Variants in CCNY observed in about 807,000 individuals in gnomAD.
CCNY encodes cyclin-Y.
Under a neutral mutation model 42.8 loss-of-function variants are expected in CCNY, and 19 were observed. The ratio of observed to expected loss-of-function variants is 0.44; its 90% CI spans 0.31 to 0.65. The LOEUF is 0.65. Ranked by LOEUF, CCNY falls within the 30% of genes least tolerant of loss-of-function variation. The pLI, the probability that CCNY is intolerant of heterozygous loss-of-function variation, is 0.07. For missense variants in CCNY, 370 were observed against 437.3 expected, an observed-to-expected ratio of 0.85 and a Z score of 1.37; for synonymous variants, 165 against 162.7, an observed-to-expected ratio of 1.01 and a Z score of -0.11.
intron 1 of CCNY, among the ~76,000 whole-genome samples, chr10:35,478,282 A>T (rs926392877): frequency 6.6e-6 from 1 of 151,252 alleles, no homozygotes; most frequent in African/African-American, 2.4e-5. Flanking sequence ...GAATTGGAAA[A>T]AACTACTTTA....
chr10:35,509,911 ACTGT>A (rs1314459320), intron 3 of CCNY, among the ~76,000 whole-genome samples: 1 of 152,088 alleles, frequency 6.6e-6, no homozygotes, highest in Non-Finnish European at 1.5e-5. Context: ...TTTCGTGGAG[ACTGT>A]CTGTGAGCTG....
intron 3 of CCNY, among the ~76,000 whole-genome samples, chr10:35,512,012 G>A (rs1321085290): frequency 6.6e-6 from 1 of 152,194 alleles, no homozygotes; most frequent in Non-Finnish European, 1.5e-5. Context: ...GGTGGTTACT[G>A]TAGTGATACA....
intron 1 of CCNY, among the ~76,000 whole-genome samples, chr10:35,366,779 C>T (rs1340287295): frequency 6.6e-6 from 1 of 152,186 alleles, no homozygotes; most frequent in Admixed American, 6.5e-5. Context: ...AGTCACTAGC[C>T]ACGTGTGGCA....
At position 35,278,584 on chromosome 10, in the gene CCNY, G is replaced by C. The variant is rs184786210; in HGVS notation, c.-9+27958G>C. ...GGCTGTCGAGAGGCATGTGTAGGCA[G>C]CTGAGGAAGACAGGACTGAGCAGAA... On this transcript the variant is annotated intron_variant, in intron 3 of 11. Coordinates refer to the CCNY transcript ENST00000374706. Among the ~76,000 whole-genome samples the C allele has an allele frequency of 5.3e-5, 8 of 152,326 alleles. No homozygotes were observed. The East Asian group carries it at 1.5e-3, about 29-fold the overall frequency.
intron 1 of CCNY, chr10:35,248,048 A>G (rs2095709470): frequency 6.6e-6 from 1 of 152,266 alleles, no homozygotes; most frequent in African/African-American, 2.4e-5. Context: ...CTGTTATTTC[A>G]CCATCACTTT....
At chr10:35,365,069 A>G (rs752717684) in intron 1 of CCNY, among the ~76,000 whole-genome samples, 4 of 152,210 alleles carry the variant, frequency 2.6e-5, no homozygotes, top group Non-Finnish European at 4.4e-5. Context: ...TTCCAAGTGC[A>G]AGTGAAAGAT....
intron 5 of CCNY, among the ~76,000 whole-genome samples, chr10:35,526,460 G>A (rs1840654428): frequency 6.6e-6 from 1 of 152,018 alleles, no homozygotes. Context: ...GCAATAGTTG[G>A]TTAATTTTAA....
At chr10:35,457,193 A>G (rs2135323148) in intron 1 of CCNY, among the ~76,000 whole-genome samples, 1 of 152,106 alleles carries the variant, frequency 6.6e-6, no homozygotes, top group African/African-American at 2.4e-5. Flanking sequence ...TCTCCTTTTC[A>G]TTCTGTTTGA....
chr10:35,531,379 G>A (rs772152074), intron 7 of CCNY, among the ~76,000 whole-genome samples: 3 of 152,186 alleles, frequency 2.0e-5, no homozygotes, highest in Non-Finnish European at 4.4e-5. Context: ...CTGTTGGCTT[G>A]TTGCTCATTC....
intron 1 of CCNY, among the ~76,000 whole-genome samples, chr10:35,430,729 T>C (rs11817434): frequency 0.29 from 44,043 of 152,094 alleles, 6,653 homozygotes; most frequent in Admixed American, 0.35. Flanking sequence ...TCTTTGCTCA[T>C]GTGTATCACT....
chr10:35,544,077 G>C (rs1173457904), intron 7 of CCNY, among the ~76,000 whole-genome samples: 15 of 152,204 alleles, frequency 9.9e-5, no homozygotes, highest in Admixed American at 9.8e-4. Context: ...TAAAGTTATA[G>C]TAAGCTAAGT....
intron 1 of CCNY, among the ~76,000 whole-genome samples, chr10:35,482,908 G>A (rs1398467804): frequency 6.6e-6 from 1 of 152,104 alleles, no homozygotes; most frequent in Non-Finnish European, 1.5e-5. Context: ...ACAAATGGCC[G>A]ATGTGTAGCT....
intron 1 of CCNY, among the ~76,000 whole-genome samples, chr10:35,354,880 AAGTC>A (rs1170764057): frequency 3.9e-5 from 6 of 152,158 alleles, no homozygotes; most frequent in South Asian, 4.2e-4. Flanking sequence ...CTATCTTTCT[AAGTC>A]AGTCTTATGT....
intron 3 of CCNY, among the ~76,000 whole-genome samples, chr10:35,327,519 C>A (rs184009879): frequency 6.6e-6 from 1 of 152,208 alleles, no homozygotes; most frequent in Non-Finnish European, 1.5e-5. Context: ...TTAAAAAAAT[C>A]AGTAATATTT....
intron 1 of CCNY, among the ~76,000 whole-genome samples, chr10:35,450,415 C>T (rs1838891709): frequency 6.6e-6 from 1 of 151,942 alleles, no homozygotes; most frequent in Admixed American, 6.6e-5. Context: ...ATGTGTGCTC[C>T]CTGGGATGGT....
chr10:35,510,962 T>C (rs1246504456), intron 3 of CCNY, among the ~76,000 whole-genome samples: 4 of 152,242 alleles, frequency 2.6e-5, no homozygotes, highest in African/African-American at 7.2e-5. Flanking sequence ...ACTGTGCTCC[T>C]GCCCTGCCTG....
chr10:35,342,112 A>G (rs376567348), intron 1 of CCNY, among the ~76,000 whole-genome samples: 8 of 152,210 alleles, frequency 5.3e-5, no homozygotes, highest in African/African-American at 1.9e-4. Flanking sequence ...AGCCTCAGGG[A>G]CTCATCCCAA....
At chr10:35,515,968 AACTT>A (rs1313999735) in intron 3 of CCNY, among the ~76,000 whole-genome samples, 1 of 152,204 alleles carries the variant, frequency 6.6e-6, no homozygotes, top group East Asian at 1.9e-4. Context: ...TCCCCTTTAA[AACTT>A]ACTTTGTCCT....
At chr10:35,254,016 C>T (rs1332216474) in intron 3 of CCNY, among the ~76,000 whole-genome samples, 2 of 150,174 alleles carry the variant, frequency 1.3e-5, no homozygotes, top group African/African-American at 2.5e-5. Flanking sequence ...GCTGGGACTA[C>T]GGGCGCCCGC....
Sources: allele counts gnomAD v4.1 joint callset (sites outside exome capture counted in the v4.1 genomes callset), GRCh38; gene constraint gnomAD v4.1.1; transcripts MANE v1.5; gene names NCBI Gene and HGNC (gene_info 2026-07-23, HGNC 2026-07-21).